MGAT1: variants seen among roughly 807,000 people sequenced by gnomAD.
MGAT1 encodes N-glycosyl-oligosaccharide-glycoprotein N-acetylglucosaminyltransferase I.
Under a neutral mutation model 31.7 loss-of-function variants are expected in MGAT1, and 14 were observed. That is an observed-to-expected ratio of 0.44 (90% confidence interval 0.29 to 0.69). MGAT1 has a LOEUF of 0.69. Ranked by LOEUF, MGAT1 falls within the 30% of genes least tolerant of loss-of-function variation. MGAT1 has a pLI of 0.12. For synonymous variants in MGAT1, 338 were observed against 276.0 expected (o/e 1.22, Z -2.23); for missense variants, 557 against 626.0 (o/e 0.89, Z 1.18).
chr5:180,797,908 T>G (rs1186738965), intron 1 of MGAT1, among the ~76,000 whole-genome samples: 1 of 152,244 alleles, frequency 6.6e-6, no homozygotes, highest in Non-Finnish European at 1.5e-5. Flanking sequence ...TGGGATAGGA[T>G]CCTCAGCTCT....
At chr5:180,815,160 G>A (rs557740083) in intron 1 of MGAT1, among the ~76,000 whole-genome samples, 17 of 152,096 alleles carry the variant, frequency 1.1e-4, no homozygotes, top group African/African-American at 2.4e-4. Flanking sequence ...AGGTGCTAGC[G>A]CAGGTCTCTC....
In MGAT1 at chr5:180,792,226, A is replaced by C. The variant is rs534612859; in HGVS notation, c.746T>G (p.Met249Arg). 6.2e-7 allele frequency: 1 copy of C among 1,613,130 alleles called. No homozygotes were observed. Among genetic ancestry groups the C allele is most frequent in the African/African-American group, 1.3e-5 (1 of 75,066 alleles). ...SAWNDNGKEQ[M>R]VDASRPELLY... ...CAGCTCAGGCCTGCTGGCGTCCACC[A>C]TCTGCTCCTTGCCGTTGTCATTCCA... Residue 249 changes from methionine to arginine, a missense_variant, in exon 2 of 2, where the codon ATG (methionine) becomes AGG (arginine). Transcript: ENST00000307826.
At chr5:180,807,495 GA>G (rs1297462865), upstream of MGAT1, among the ~76,000 whole-genome samples, 1 of 152,080 alleles carries the variant, frequency 6.6e-6, no homozygotes, top group Non-Finnish European at 1.5e-5. Context: ...GAGATGTCTG[GA>G]AAAAAACGTC....
intron 1 of MGAT1, among the ~76,000 whole-genome samples, chr5:180,814,867 G>C (rs992366917): frequency 1.3e-5 from 2 of 151,916 alleles, no homozygotes; most frequent in Admixed American, 6.6e-5. Flanking sequence ...TTGAACCCGG[G>C]GGGGCGGTGG....
chr5:180,788,832 A>G lies in MGAT1; in HGVS notation c.*2802T>C, dbSNP rs1027912089. On this transcript the variant is annotated 3_prime_UTR_variant, in exon 2 of 2. Coordinates refer to ENST00000307826, the MANE Select transcript of MGAT1 (RefSeq NM_002406.4). Reference sequence around the variant, plus strand: ...CTAAGTAAGTTGGTACTTATCCTGGAGCACTAAGTTGGTACTTATCCTGGA... The same window carrying G: ...CTAAGTAAGTTGGTACTTATCCTGGGGCACTAAGTTGGTACTTATCCTGGA... 6.6e-6 allele frequency: 1 copy of G among 151,000 alleles called. No homozygotes were observed. Among genetic ancestry groups the G allele is most frequent in the Non-Finnish European group, 1.5e-5 (1 of 67,780 alleles). 9.4% of individuals were successfully genotyped at this position (151,000 alleles called of 1,614,324 possible).
chr5:180,794,871 TAC>T (rs1407863441), intron 1 of MGAT1, among the ~76,000 whole-genome samples: 5 of 152,256 alleles, frequency 3.3e-5, no homozygotes, highest in Admixed American at 1.3e-4. Context: ...TACAAAAACC[TAC>T]ACAGGAGTGT....
At chr5:180,801,047 C>T (rs1481538482) in intron 1 of MGAT1, among the ~76,000 whole-genome samples, 1 of 152,190 alleles carries the variant, frequency 6.6e-6, no homozygotes, top group Non-Finnish European at 1.5e-5. Context: ...AGTACAAAAC[C>T]CTTCAGCTAA....
At chr5:180,805,566 A>G (rs2113537853), upstream of MGAT1, among the ~76,000 whole-genome samples, 1 of 152,284 alleles carries the variant, frequency 6.6e-6, no homozygotes, top group East Asian at 1.9e-4. Context: ...CCTGGCCAAC[A>G]TAGTGAAACA....
At chr5:180,815,188 C>T (rs563853281) in intron 1 of MGAT1, among the ~76,000 whole-genome samples, 8 of 152,102 alleles carry the variant, frequency 5.3e-5, no homozygotes, top group South Asian at 2.1e-4. Context: ...CTTATAAAGC[C>T]GCCAGTTCTC....
chr5:180,810,471 G>GCGCGCGGCAGGTGGAGC (rs1260220122), intron 1 of MGAT1: 1 of 152,528 alleles, frequency 6.6e-6, no homozygotes, highest in East Asian at 1.9e-4. Flanking sequence ...AGCAGCGGAA[G>GCGCGCGGCAGGTGGAGC]CGCGCGGCAG....
At position 180,788,536 on chromosome 5, in the gene MGAT1, T is replaced by A. The variant is rs150736813; in HGVS notation, c.*3098A>T. On this transcript the variant is annotated 3_prime_UTR_variant, in exon 2 of 2. Transcript: ENST00000307826. ...TTCCAATCCGGCTCTCCCTCAACCA[T>A]CTGTGTGACCTTGGGCAACTTCACC... 13 of 152,602 alleles carry A rather than the reference T, an allele frequency of 8.5e-5. No homozygotes were observed. Among genetic ancestry groups the A allele is most frequent in the African/African-American group, 2.9e-4 (12 of 41,600 alleles). 9.5% of individuals were successfully genotyped at this position (152,602 alleles called of 1,614,324 possible).
intron 1 of MGAT1, among the ~76,000 whole-genome samples, chr5:180,812,417 G>A (rs562763203): frequency 7.9e-5 from 12 of 152,054 alleles, no homozygotes; most frequent in African/African-American, 2.9e-4. Context: ...AGTGACCTTC[G>A]ATTTTTCGTG....
intron 1 of MGAT1, chr5:180,809,871 CA>C (rs1464751118): frequency 6.6e-6 from 1 of 152,390 alleles, no homozygotes; most frequent in Non-Finnish European, 1.5e-5. Context: ...GCGTGGCGTC[CA>C]CATGACCTCC....
intron 1 of MGAT1, among the ~76,000 whole-genome samples, chr5:180,812,034 C>T (rs1413104779): frequency 6.6e-6 from 1 of 152,178 alleles, no homozygotes; most frequent in African/African-American, 2.4e-5. Flanking sequence ...TGGCCTGCTC[C>T]ACTTTTCCCA....
chr5:180,812,408 G>A (rs1377243207), intron 1 of MGAT1, among the ~76,000 whole-genome samples: 1 of 152,090 alleles, frequency 6.6e-6, no homozygotes, highest in Non-Finnish European at 1.5e-5. Flanking sequence ...TTTTACTTAA[G>A]TGACCTTCGA....
chr5:180,812,435 T>C (rs999030687), intron 1 of MGAT1, among the ~76,000 whole-genome samples: 16 of 152,222 alleles, frequency 1.1e-4, no homozygotes, highest in South Asian at 2.1e-4. Context: ...GTGCTTGTTA[T>C]AACAAGTCAT....
chr5:180,801,591 A>G (rs1330944134), intron 1 of MGAT1, among the ~76,000 whole-genome samples: 1 of 152,254 alleles, frequency 6.6e-6, no homozygotes, highest in Non-Finnish European at 1.5e-5. Context: ...ATCCTGGAAA[A>G]GAAGAGCTAA....
chr5:180,810,798 C>T (rs558940496), intron 1 of MGAT1: 1 of 152,474 alleles, frequency 6.6e-6, no homozygotes, highest in South Asian at 2.1e-4. Context: ...GGTTTTGTTT[C>T]GTTCATCGCT....
chr5:180,791,531 G>A lies in MGAT1; in HGVS notation c.*103C>T. On this transcript the variant is annotated 3_prime_UTR_variant, in exon 2 of 2. Transcript: ENST00000307826. Reference sequence around the variant, plus strand: ...ACTCGGAAAAATCAAAAAGATAAATGCACCTAAGAGGGAAACACAGGCAGG... The same window carrying A: ...ACTCGGAAAAATCAAAAAGATAAATACACCTAAGAGGGAAACACAGGCAGG... 1.5e-6 allele frequency: 2 copies of A among 1,375,428 alleles called. No homozygotes were observed. The highest frequency in any genetic ancestry group is 2.0e-6 in the Non-Finnish European group (2 of 1,005,294). The allele number at this position is 1,375,428 out of a possible 1,614,324, so 85.2% of individuals were successfully genotyped here. A position where few individuals can be genotyped will look rare whatever the true frequency, so the allele number is the denominator to read the frequency against.
Sources: gnomAD v4.1 joint callset for allele counts (sites outside exome capture counted in the v4.1 genomes callset) on GRCh38, gnomAD v4.1.1 for gene constraint, MANE v1.5 for transcripts, NCBI Gene and HGNC (gene_info 2026-07-23, HGNC 2026-07-21) for gene names.